The following SPG7 variants were observed in gnomAD, a reference collection of about 807,000 sequenced individuals.
The protein encoded by SPG7 is mitochondrial inner membrane m-AAA protease component paraplegin.
In SPG7, 103 loss-of-function variants were observed where a neutral mutation model predicts 81.9. The ratio of observed to expected loss-of-function variants is 1.26; its 90% confidence interval spans 1.07 to 1.48. The LOEUF (loss-of-function observed/expected upper bound fraction) is 1.48. Ranked by LOEUF, SPG7 falls within the 40% of genes most tolerant of loss-of-function variation. The pLI is 0.00. For synonymous variants in SPG7, 534 were observed against 444.2 expected (o/e 1.20, Z -2.54); for missense variants, 1,241 against 1,087.3 (o/e 1.14, Z -1.99).
chr16:89,533,022 A>G, intron 9 of SPG7: 1 of 245,662 alleles, frequency 4.1e-6, no homozygotes, highest in South Asian at 4.3e-5. Flanking sequence ...GTGAGCCAAG[A>G]TCTCACCATT....
chr16:89,526,214 C>G (rs3935627), intron 4 of SPG7, 115 bp from the exon 5 acceptor site: 1 of 1,239,518 alleles, frequency 8.1e-7, no homozygotes, highest in Non-Finnish European at 1.2e-6. Context: ...ATGGTGTCCT[C>G]TTCACAATGC....
At chr16:89,524,465 A>G (rs1394749941) in intron 4 of SPG7, among the ~76,000 whole-genome samples, 5 of 152,000 alleles carry the variant, frequency 3.3e-5, no homozygotes, top group Non-Finnish European at 4.4e-5. Flanking sequence ...TTTGTTTTTG[A>G]GACAGTCTCG....
At chr16:89,530,142 C>CTT (rs1040551166) in intron 6 of SPG7, 297 of 243,316 alleles carry the variant, frequency 1.2e-3, no homozygotes, top group African/African-American at 4.0e-3. Flanking sequence ...CCTGGCCTTT[C>CTT]TTTTTTGTGT....
At chr16:89,534,413 G>A (rs2058385341) in intron 9 of SPG7, among the ~76,000 whole-genome samples, 1 of 152,208 alleles carries the variant, frequency 6.6e-6, no homozygotes, top group Non-Finnish European at 1.5e-5. Flanking sequence ...GTGGACATGT[G>A]GACTGTGGTG....
Position 89,550,515 on chromosome 16 carries a change from T to C in SPG7, c.1685T>C (p.Ile562Thr), listed in dbSNP as rs1261309560. 2 of 1,613,772 alleles carry C rather than the reference T, an allele frequency of 1.2e-6. No individual in the cohort carries two copies. Among genetic ancestry groups the C allele is most frequent in the South Asian group, 2.2e-5 (2 of 91,076 alleles). Residue 562 changes from isoleucine to threonine, a missense_variant, in exon 13 of 17, where the codon ATC becomes ACC. Ile to Thr is a moderately conservative substitution (Grantham distance 89, BLOSUM62 -1). Transcript: ENST00000645818. ...VLAGTAKKSK[I>T]LSKEEQKVVA... Reference sequence around the variant, plus strand: ...TCAGGGACTGCCAAAAAGAGCAAGATCCTGTCCAAGGAAGAACAGAAAGTG... The same window carrying C: ...TCAGGGACTGCCAAAAAGAGCAAGACCCTGTCCAAGGAAGAACAGAAAGTG...
chr16:89,539,313 A>G (rs767778781), intron 9 of SPG7: 1 of 152,128 alleles, frequency 6.6e-6, no homozygotes, highest in Non-Finnish European at 1.5e-5. Context: ...CAGCCTGGCC[A>G]ATATGGAGAA....
At chr16:89,556,764 A>G in intron 16 of SPG7, 123 bp from the exon 17 acceptor site, 1 of 790,582 alleles carries the variant, frequency 1.3e-6, no homozygotes, top group Non-Finnish European at 2.3e-6. Flanking sequence ...TTCCCTGGGA[A>G]AGTGGCCTGT....
At chr16:89,523,756 C>CTGTTA in intron 3 of SPG7, 1 of 512,206 alleles carries the variant, frequency 2.0e-6, no homozygotes. Context: ...AAATGGTTTC[C>CTGTTA]TCTTAGGTGG....
In SPG7 at chr16:89,557,368, G is replaced by A. The variant is rs1362701133; in HGVS notation, c.*275G>A. The A allele has an allele frequency of 1.6e-5, 8 of 489,140 alleles. No individual in the cohort carries two copies. Among genetic ancestry groups the A allele is most frequent in the Middle Eastern group, 5.7e-4 (1 of 1,746 alleles). The allele number at this position is 489,140 out of a possible 1,614,324, so 30.3% of individuals were successfully genotyped here. Reference sequence around the variant, plus strand: ...AGCATGGAACACTTCGAGTTCCCAGGGTTATAGACAGTCGTTCCCAGTGTG... The same window carrying A: ...AGCATGGAACACTTCGAGTTCCCAGAGTTATAGACAGTCGTTCCCAGTGTG... On this transcript the variant is annotated 3_prime_UTR_variant, in exon 17 of 17. Coordinates refer to ENST00000645818, the MANE Select transcript of SPG7 (RefSeq NM_003119.4).
chr16:89,525,259 G>C (rs1039569828), intron 4 of SPG7, among the ~76,000 whole-genome samples: 1 of 152,130 alleles, frequency 6.6e-6, no homozygotes. Context: ...CAGCCACCAC[G>C]CCTGGCGCTG....
Position 89,512,946 on chromosome 16 carries a change from A to C in SPG7, c.287-2A>C. On this transcript the variant is annotated splice_acceptor_variant, in intron 2 of 16. Coordinates refer to ENST00000645818, the MANE Select transcript of SPG7 (RefSeq NM_003119.4). LOFTEE classifies it high-confidence loss of function. ...GTTAAATCCTTTCTCTATTTCTCAT[A>C]GGTGGTACTTTCTATTTTAACACCT... The C allele has an allele frequency of 6.2e-7, 1 of 1,613,036 alleles. No individual in the cohort carries two copies. Among genetic ancestry groups the C allele is most frequent in the Non-Finnish European group, 8.5e-7 (1 of 1,179,240 alleles).
chr16:89,513,872 G>A (rs1453796150), intron 3 of SPG7, among the ~76,000 whole-genome samples: 1 of 152,234 alleles, frequency 6.6e-6, no homozygotes, highest in Non-Finnish European at 1.5e-5. Flanking sequence ...TTGCTTTTCA[G>A]GAAAGCTTTC....
rs370937567 is a variant in SPG7 at position 89,529,958 on chromosome 16, G to A, written c.861+379G>A. On this transcript the variant is annotated intron_variant, in intron 6 of 16. Coordinates refer to ENST00000645818, the MANE Select transcript of SPG7 (RefSeq NM_003119.4). ...GCATTCAAGCAATTCTCCTGCCTCA[G>A]CTTCCCGAGTAGCTGGGATTACAGG... 4.6e-4 allele frequency: 150 copies of A among 325,430 alleles called. 2 individuals are homozygous for A. The East Asian group carries it at 6.1e-3, about 13-fold the overall frequency. 20.2% of individuals were successfully genotyped at this position (325,430 alleles called of 1,614,324 possible). A position where few individuals can be genotyped will look rare whatever the true frequency, so the allele number is the denominator to read the frequency against.
In SPG7 at chr16:89,532,534, G is replaced by T; in HGVS notation, c.1222G>T (p.Asp408Tyr). 1 of 1,613,688 alleles carries T rather than the reference G, an allele frequency of 6.2e-7. No homozygotes were observed. Among genetic ancestry groups the T allele is most frequent in the Non-Finnish European group, 8.5e-7 (1 of 1,180,010 alleles). ...RARAPCIVYI[D>Y]EIDAVGKKRS... is the part of the protein sequence containing the mutation. The stretch of plus-strand genomic sequence containing the variant: ...CCGGGCCCCCTGCATCGTCTACATC[G>T]ATGAGATCGACGCGGTGGGCAAGAA... The change falls in exon 9 of 17, where the codon GAT becomes TAT. Residue 408 changes from aspartate (D) to tyrosine (Y), a missense_variant. Transcript: ENST00000645818.
At chr16:89,547,123 G>C (rs368311503) in intron 11 of SPG7, 24 of 302,172 alleles carry the variant, frequency 7.9e-5, no homozygotes, top group South Asian at 7.5e-4. Context: ...GACCCTCACG[G>C]TCTCTGTCAA....
intron 10 of SPG7, 123 bp downstream of exon 10, chr16:89,544,895 G>T: frequency 8.0e-7 from 1 of 1,244,188 alleles, no homozygotes; most frequent in Non-Finnish European, 1.2e-6. Flanking sequence ...ACAGGTGCTG[G>T]CAGTGTCCAG....
At chr16:89,523,684 T>A in intron 3 of SPG7, 1 of 474,470 alleles carries the variant, frequency 2.1e-6, no homozygotes, top group East Asian at 6.3e-5. Context: ...CGCCTCAGCC[T>A]CCCAAGTAGC....
chr16:89,537,176 A>G lies in SPG7; in HGVS notation c.1324+4540A>G, dbSNP rs1373273462. 4 of 1,445,322 alleles carry G rather than the reference A, an allele frequency of 2.8e-6. 1 individual carries two copies. The highest frequency in any genetic ancestry group is 1.4e-5 in the African/African-American group (1 of 70,056). 89.5% of individuals were successfully genotyped at this position (1,445,322 alleles called of 1,614,324 possible). On this transcript the variant is annotated intron_variant, in intron 9 of 16. Coordinates refer to ENST00000645818, the MANE Select transcript of SPG7 (RefSeq NM_003119.4). ...GCTTCCGTTCATGGAAGCGCACAGG[A>G]TAGGGCCGACGCTGTGCCGGTCGTG...
intron 9 of SPG7, chr16:89,537,274 C>G: frequency 6.8e-6 from 9 of 1,330,458 alleles, no homozygotes; most frequent in Non-Finnish European, 8.6e-6. Context: ...CGGTGTCCTG[C>G]GGACCCCAGA....
Sources: allele counts gnomAD v4.1 joint callset (sites outside exome capture counted in the v4.1 genomes callset), GRCh38; gene constraint gnomAD v4.1.1; transcripts MANE v1.5; gene names NCBI Gene and HGNC (gene_info 2026-07-23, HGNC 2026-07-21).